LUZP2: variants seen among roughly 807,000 people sequenced by gnomAD.
LUZP2 encodes the protein leucine zipper protein 2.
In LUZP2, 52 loss-of-function variants were observed where a neutral mutation model predicts 51.6. That is an observed-to-expected ratio of 1.01 (90% CI 0.81 to 1.27). The LOEUF is 1.27. LUZP2 is among the 50% of genes most tolerant of loss of function. LUZP2 has a pLI of 0.00. For synonymous variants in LUZP2, 154 were observed against 137.3 expected, an observed-to-expected ratio of 1.12 and a Z score of -0.85; for missense variants, 436 against 395.4, an observed-to-expected ratio of 1.10 and a Z score of -0.87.
At chr11:25,057,660 A>G (rs948114789) in intron 10 of LUZP2, among the ~76,000 whole-genome samples, 2 of 152,114 alleles carry the variant, frequency 1.3e-5, no homozygotes, top group African/African-American at 4.8e-5. Context: ...CGTGTTTTGC[A>G]ATGTTTCTGA....
chr11:24,610,662 C>T (rs1306205426), intron 1 of LUZP2, among the ~76,000 whole-genome samples: 6 of 152,104 alleles, frequency 3.9e-5, no homozygotes, highest in Non-Finnish European at 7.4e-5. Flanking sequence ...CAAGAATTCA[C>T]GGGCATGCCA....
intron 1 of LUZP2, among the ~76,000 whole-genome samples, chr11:24,514,668 GT>G (rs71445493): frequency 0.12 from 17,914 of 151,894 alleles, 1,258 homozygotes; most frequent in African/African-American, 0.2. Flanking sequence ...TAATTTATTA[GT>G]TTTTTTTCTT....
intron 1 of LUZP2, among the ~76,000 whole-genome samples, chr11:24,681,171 C>T (rs1479173603): frequency 6.6e-6 from 1 of 151,492 alleles, no homozygotes; most frequent in Admixed American, 6.6e-5. Flanking sequence ...TTAGTAGAGA[C>T]GGGGTTTCAC....
intron 5 of LUZP2, among the ~76,000 whole-genome samples, chr11:24,895,181 A>G (rs748036643): frequency 6.6e-6 from 1 of 152,194 alleles, no homozygotes; most frequent in Non-Finnish European, 1.5e-5. Context: ...GTTTACCCTG[A>G]AACAAATGTG....
chr11:24,992,978 A>G (rs931751689), intron 9 of LUZP2, among the ~76,000 whole-genome samples: 2 of 152,178 alleles, frequency 1.3e-5, no homozygotes, highest in Non-Finnish European at 2.9e-5. Flanking sequence ...TTCAAAATAT[A>G]CAATTACTTT....
chr11:24,554,619 A>T (rs376258207), intron 1 of LUZP2, among the ~76,000 whole-genome samples: 15 of 151,822 alleles, frequency 9.9e-5, no homozygotes, highest in African/African-American at 3.4e-4. Context: ...GTGAATGATC[A>T]TTATTGATTA....
intron 5 of LUZP2, among the ~76,000 whole-genome samples, chr11:24,852,331 A>G (rs910321593): frequency 5.3e-5 from 8 of 152,112 alleles, no homozygotes; most frequent in African/African-American, 1.7e-4. Context: ...GTTTCAAATA[A>G]CTTATTTATT....
chr11:24,530,307 G>C (rs1172222971), intron 1 of LUZP2, among the ~76,000 whole-genome samples: 5 of 150,732 alleles, frequency 3.3e-5, no homozygotes, highest in African/African-American at 1.2e-4. Context: ...CAATTTTTCT[G>C]CTCGACATCT....
chr11:24,866,966 C>T (rs1015570790), intron 5 of LUZP2, among the ~76,000 whole-genome samples: 10 of 152,098 alleles, frequency 6.6e-5, no homozygotes, highest in Non-Finnish European at 1.5e-4. Context: ...CTGCTAACGG[C>T]ATCCATTCCA....
At chr11:24,797,254 T>G (rs1398776510) in intron 5 of LUZP2, among the ~76,000 whole-genome samples, 1 of 151,866 alleles carries the variant, frequency 6.6e-6, no homozygotes, top group Non-Finnish European at 1.5e-5. Flanking sequence ...CATGATATCC[T>G]GCAATAAGAG....
At chr11:24,965,377 G>A (rs1265445849) in intron 7 of LUZP2, among the ~76,000 whole-genome samples, 1 of 150,930 alleles carries the variant, frequency 6.6e-6, no homozygotes, top group East Asian at 1.9e-4. Context: ...TCTCTGCCAA[G>A]GGCCTTGATT....
intron 1 of LUZP2, among the ~76,000 whole-genome samples, chr11:24,645,500 G>A (rs1241269654): frequency 1.3e-5 from 2 of 152,066 alleles, no homozygotes; most frequent in Non-Finnish European, 2.9e-5. Flanking sequence ...CCATAGCAAT[G>A]GGGAAACCTC....
chr11:24,740,021 G>A (rs1339176647), intron 4 of LUZP2, among the ~76,000 whole-genome samples: 1 of 152,004 alleles, frequency 6.6e-6, no homozygotes, highest in South Asian at 2.1e-4. Context: ...TTACTGAATG[G>A]TCCTAATTGC....
intron 9 of LUZP2, among the ~76,000 whole-genome samples, chr11:24,995,560 T>C (rs1170554039): frequency 6.6e-6 from 1 of 151,346 alleles, no homozygotes; most frequent in Non-Finnish European, 1.5e-5. Flanking sequence ...TATTTCATTT[T>C]GCTTTTTAAA....
At chr11:24,734,652 G>C (rs755964898) in intron 3 of LUZP2, among the ~76,000 whole-genome samples, 1 of 151,722 alleles carries the variant, frequency 6.6e-6, no homozygotes, top group Non-Finnish European at 1.5e-5. Flanking sequence ...GTTTTTTGCT[G>C]TTTACCTAAA....
At chr11:24,614,730 C>A (rs2133893458) in intron 1 of LUZP2, among the ~76,000 whole-genome samples, 1 of 152,130 alleles carries the variant, frequency 6.6e-6, no homozygotes, top group African/African-American at 2.4e-5. Context: ...TTTCAGGAAG[C>A]CATTACCTGA....
At chr11:24,598,656 ATAT>A (rs1245668605) in intron 1 of LUZP2, among the ~76,000 whole-genome samples, 2 of 152,108 alleles carry the variant, frequency 1.3e-5, no homozygotes, top group African/African-American at 4.8e-5. Context: ...GAGAAAAGAG[ATAT>A]TATTAATAAA....
chr11:24,979,334 G>A (rs906489453), intron 8 of LUZP2, among the ~76,000 whole-genome samples: 1 of 151,704 alleles, frequency 6.6e-6, no homozygotes, highest in Non-Finnish European at 1.5e-5. Flanking sequence ...AGATACATAT[G>A]AGGTTCATAA....
Position 25,080,583 on chromosome 11 carries a change from A to C in LUZP2, c.*1925A>C, listed in dbSNP as rs188886231. 4.9e-4 allele frequency: 74 copies of C among 152,304 alleles called. No individual in the cohort carries two copies. Among genetic ancestry groups the C allele is most frequent in the Non-Finnish European group, 8.4e-4 (57 of 68,034 alleles). The allele number at this position is 152,304 out of a possible 1,614,324, so 9.4% of individuals were successfully genotyped here. A position where few individuals can be genotyped will look rare whatever the true frequency, so the allele number is the denominator to read the frequency against. ...GTCTGAGGTTTCTTCTGACTCCTTC[A>C]TATTTCTAAAAATAATCATACAAAC... On this transcript the variant is annotated 3_prime_UTR_variant, in exon 12 of 12. Coordinates refer to ENST00000336930, the MANE Select transcript of LUZP2 (RefSeq NM_001009909.4).
Sources: gnomAD v4.1 joint callset for allele counts (sites outside exome capture counted in the v4.1 genomes callset) on GRCh38, gnomAD v4.1.1 for gene constraint, MANE v1.5 for transcripts, NCBI Gene and HGNC (gene_info 2026-07-23, HGNC 2026-07-21) for gene names.